RRP15: variants seen among roughly 807,000 people sequenced by gnomAD.
RRP15 encodes RRP15-like protein.
RRP15 carries 18 observed loss-of-function variants against 27.1 expected under a neutral mutation model. That is an observed-to-expected ratio of 0.66 (90% CI 0.46 to 0.98). The LOEUF is 0.98. RRP15 is among the 50% of genes least tolerant of loss of function. The pLI is 0.00. For missense variants in RRP15, 359 were observed against 337.8 expected, an observed-to-expected ratio of 1.06 and a Z score of -0.49; for synonymous variants, 107 against 109.4, an observed-to-expected ratio of 0.98 and a Z score of 0.14.
Position 218,307,651 on chromosome 1 carries a change from G to C in RRP15, c.705+19G>C, listed in dbSNP as rs1195587637. Reference sequence around the variant, plus strand: ...CAAACAGGTAAAAACTTTTCTATAGGATTCAGTGTATCAGACTTTCAGCTC... The same window carrying C: ...CAAACAGGTAAAAACTTTTCTATAGCATTCAGTGTATCAGACTTTCAGCTC... On this transcript the variant is annotated intron_variant, in intron 4 of 4. Coordinates refer to ENST00000366932, the MANE Select transcript of RRP15 (RefSeq NM_016052.4). 6.4e-7 allele frequency: 1 copy of C among 1,555,174 alleles called. No individual in the cohort carries two copies. The highest frequency in any genetic ancestry group is 8.9e-7 in the Non-Finnish European group (1 of 1,129,606).
intron 1 of RRP15, among the ~76,000 whole-genome samples, chr1:218,290,549 C>CCT (rs1437320415): frequency 6.6e-6 from 1 of 152,172 alleles, no homozygotes; most frequent in Non-Finnish European, 1.5e-5. Flanking sequence ...CTCACTGCAA[C>CCT]CTCTGCCTGT....
At chr1:218,305,650 A>G (rs1026093975) in intron 3 of RRP15, among the ~76,000 whole-genome samples, 4 of 152,334 alleles carry the variant, frequency 2.6e-5, no homozygotes, top group South Asian at 2.1e-4. Context: ...AATTATGTCT[A>G]TGTGTTGGGA....
At chr1:218,311,572 C>G (rs1655996715) in intron 4 of RRP15, among the ~76,000 whole-genome samples, 2 of 152,170 alleles carry the variant, frequency 1.3e-5, no homozygotes, top group Non-Finnish European at 2.9e-5. Context: ...CATCCTGCTG[C>G]TACTCTCTAA....
chr1:218,302,615 C>G, intron 2 of RRP15, 56 bp downstream of exon 2: 1 of 1,558,598 alleles, frequency 6.4e-7, no homozygotes, highest in Non-Finnish European at 8.6e-7. Flanking sequence ...TAGCTCTTAT[C>G]TTGACCGAAC....
In RRP15 at chr1:218,314,907, G is replaced by A. The variant is rs979653284; in HGVS notation, c.705+7275G>A. On this transcript the variant is annotated intron_variant, in intron 4 of 4. Coordinates refer to ENST00000366932, the MANE Select transcript of RRP15 (RefSeq NM_016052.4). ...CTTGGGAGGCTGAGGCAGGAGAATC[G>A]CTTGAACCTGGGAGATGGAGGTAGC... 1.0e-4 allele frequency among the ~76,000 whole-genome samples: 15 copies of A among 150,412 alleles called. No individual in the cohort carries two copies. The East Asian group carries it at 1.4e-3, about 14-fold the overall frequency.
chr1:218,293,096 G>A (rs1655671185), intron 1 of RRP15, among the ~76,000 whole-genome samples: 1 of 150,762 alleles, frequency 6.6e-6, no homozygotes, highest in African/African-American at 2.4e-5. Context: ...CATGATCATA[G>A]CTCACTGTAA....
At position 218,285,303 on chromosome 1, in the gene RRP15, T is replaced by A. The variant is rs764577446; in HGVS notation, c.-14T>A. On this transcript the variant is annotated 5_prime_UTR_variant, in exon 1 of 5. Transcript: ENST00000366932. Reference sequence around the variant, plus strand: ...CCGGACGCAACTGTCAGGTGACGCTTCCGGCGCAGAAAAATGGCAGCCGCC... The same window carrying A: ...CCGGACGCAACTGTCAGGTGACGCTACCGGCGCAGAAAAATGGCAGCCGCC... 1 of 1,612,896 alleles carries A rather than the reference T, an allele frequency of 6.2e-7. No individual in the cohort carries two copies. The highest frequency in any genetic ancestry group is 8.5e-7 in the Non-Finnish European group (1 of 1,179,658).
intron 4 of RRP15, among the ~76,000 whole-genome samples, chr1:218,317,614 ACTTT>A (rs1200527501): frequency 6.6e-6 from 1 of 152,170 alleles, no homozygotes; most frequent in Admixed American, 6.5e-5. Context: ...GTTAGAATTG[ACTTT>A]CTCTTCATTT....
chr1:218,287,142 C>CTT (rs1214536139), intron 1 of RRP15, among the ~76,000 whole-genome samples: 22 of 111,398 alleles, frequency 2.0e-4, no homozygotes, highest in East Asian at 1.6e-3. Flanking sequence ...TTTTTTTTTT[C>CTT]TTTTTTTTTT....
chr1:218,316,618 T>A (rs1656092831), intron 4 of RRP15, among the ~76,000 whole-genome samples: 2 of 152,140 alleles, frequency 1.3e-5, no homozygotes, highest in African/African-American at 4.8e-5. Context: ...GTAATAACAG[T>A]CCCTACCTCA....
At chr1:218,286,471 A>G (rs1655550496) in intron 1 of RRP15, among the ~76,000 whole-genome samples, 1 of 152,200 alleles carries the variant, frequency 6.6e-6, no homozygotes, top group South Asian at 2.1e-4. Flanking sequence ...GCCTTACCAG[A>G]GAGACTTGTC....
intron 4 of RRP15, among the ~76,000 whole-genome samples, chr1:218,318,606 T>A (rs1441468406): frequency 6.6e-6 from 1 of 151,522 alleles, no homozygotes; most frequent in Non-Finnish European, 1.5e-5. Context: ...TAGGTTAAAC[T>A]TTTTTTGCCA....
chr1:218,316,140 G>A (rs1327647892), intron 4 of RRP15, among the ~76,000 whole-genome samples: 1 of 152,086 alleles, frequency 6.6e-6, no homozygotes, highest in Non-Finnish European at 1.5e-5. Context: ...CTTAGGTTTG[G>A]CAATATGGCA....
intron 4 of RRP15, among the ~76,000 whole-genome samples, chr1:218,329,237 C>CAAAAAAAAAAA (rs1164512474): frequency 1.9e-5 from 1 of 53,578 alleles, no homozygotes; most frequent in Non-Finnish European, 3.3e-5. Flanking sequence ...CCTGTCTCTA[C>CAAAAAAAAAAA]AAAAAAAAAA....
At chr1:218,303,912 TAAG>T (rs1655852627) in intron 2 of RRP15, among the ~76,000 whole-genome samples, 1 of 152,178 alleles carries the variant, frequency 6.6e-6, no homozygotes, top group Admixed American at 6.5e-5. Flanking sequence ...ATTTCAGAGT[TAAG>T]AATGTTTCAG....
At position 218,332,756 on chromosome 1, in the gene RRP15, TATAA is replaced by T. The variant is rs574088104; in HGVS notation, c.*1672_*1675del. On this transcript the variant is annotated 3_prime_UTR_variant, in exon 5 of 5. Transcript: ENST00000366932. ...ACTTTTGAACATTAGTGTCTTTCAGTATAAATAAATGTGAACAAATATACCTCAG... is the reference window on the plus strand; with the variant it reads ...ACTTTTGAACATTAGTGTCTTTCAGTATAAATGTGAACAAATATACCTCAG... 5.9e-5 allele frequency: 9 copies of T among 151,874 alleles called. No individual in the cohort carries two copies. The East Asian group carries it at 1.7e-3, about 29-fold the overall frequency. The allele number at this position is 151,874 out of a possible 1,614,324, so 9.4% of individuals were successfully genotyped here. A position where few individuals can be genotyped will look rare whatever the true frequency, so the allele number is the denominator to read the frequency against.
chr1:218,325,702 A>G (rs148941797), intron 4 of RRP15, among the ~76,000 whole-genome samples: 3 of 151,954 alleles, frequency 2.0e-5, no homozygotes, highest in African/African-American at 7.3e-5. Context: ...TGTCCTGGAC[A>G]CTCGAGGGCT....
intron 1 of RRP15, 42 bp downstream of exon 1, chr1:218,285,497 C>A: frequency 6.2e-7 from 1 of 1,610,710 alleles, no homozygotes; most frequent in Non-Finnish European, 8.5e-7. Flanking sequence ...GGAGGAAAGG[C>A]GGGGCTGAGT....
At position 218,302,469 on chromosome 1, in the gene RRP15, T is replaced by C; in HGVS notation, c.315T>C (p.Pro105=). ...AMAKVLNKKT[P]ESKPTILVKN... The stretch of plus-strand genomic sequence containing the variant: ...CTAAAGTCCTCAACAAGAAAACTCC[T>C]GAAAGTAAACCTACTATTCTGGTCA... The change falls in exon 2 of 5, where the codon CCT becomes CCC. Residue 105 remains proline, a synonymous_variant. Transcript: ENST00000366932. The C allele has an allele frequency of 6.2e-7, 1 of 1,614,074 alleles. No individual in the cohort carries two copies. Among genetic ancestry groups the C allele is most frequent in the Non-Finnish European group, 8.5e-7 (1 of 1,179,986 alleles).
Sources: gnomAD v4.1 joint callset for allele counts (sites outside exome capture counted in the v4.1 genomes callset) on GRCh38, gnomAD v4.1.1 for gene constraint, MANE v1.5 for transcripts, NCBI Gene and HGNC (gene_info 2026-07-23, HGNC 2026-07-21) for gene names.